Variants in MGAT4C observed in about 807,000 individuals in gnomAD.
MGAT4C encodes alpha-1,3-mannosyl-glycoprotein 4-beta-N-acetylglucosaminyltransferase C.
Under a neutral mutation model 40.1 loss-of-function variants are expected in MGAT4C, and 19 were observed. That is an observed-to-expected ratio of 0.47 (90% CI 0.33 to 0.70). The LOEUF (loss-of-function observed/expected upper bound fraction) is 0.70, where lower values mean the gene tolerates loss of function less well. Among genes scored for constraint, MGAT4C ranks in the 30% least tolerant of loss-of-function variants. The pLI is 0.02. For synonymous variants in MGAT4C, 181 were observed against 187.1 expected (o/e 0.97, Z 0.27); for missense variants, 491 against 563.2 (o/e 0.87, Z 1.30).
intron 1 of MGAT4C, 49 bp from the exon 2 acceptor site, chr12:86,049,772 G>C (rs1892727092): frequency 2.9e-6 from 2 of 695,520 alleles, no homozygotes; most frequent in Non-Finnish European, 1.8e-6. Context: ...CTGGTTTCTT[G>C]CTGATAAAAG....
At chr12:86,294,210 T>C (rs1341378255) in intron 4 of MGAT4C, among the ~76,000 whole-genome samples, 1 of 152,150 alleles carries the variant, frequency 6.6e-6, no homozygotes, top group Admixed American at 6.5e-5. Context: ...TCGTGGCTAG[T>C]GAAATCACTA....
intron 1 of MGAT4C, among the ~76,000 whole-genome samples, chr12:86,093,764 CAACAA>C (rs758453991): frequency 6.6e-6 from 1 of 151,274 alleles, no homozygotes; most frequent in Non-Finnish European, 1.5e-5. Flanking sequence ...ACAACAACAA[CAACAA>C]CAACACCTAC....
intron 1 of MGAT4C, among the ~76,000 whole-genome samples, chr12:86,774,959 G>A (rs1219405872): frequency 6.6e-6 from 1 of 152,132 alleles, no homozygotes; most frequent in Non-Finnish European, 1.5e-5. Flanking sequence ...ATTATCCGTA[G>A]GTCAAGTATT....
At chr12:86,249,278 T>C (rs1566220822) in intron 1 of MGAT4C, among the ~76,000 whole-genome samples, 2 of 152,174 alleles carry the variant, frequency 1.3e-5, no homozygotes, top group Admixed American at 1.3e-4. Flanking sequence ...CTCTCAATTA[T>C]GTCATGTGTG....
chr12:86,803,065 A>G (rs1419000793), intron 1 of MGAT4C, among the ~76,000 whole-genome samples: 3 of 140,062 alleles, frequency 2.1e-5, no homozygotes, highest in Non-Finnish European at 3.1e-5. Context: ...ACCAAAACAG[A>G]GATATAGATC....
At chr12:86,635,057 G>C (rs949624593) in intron 2 of MGAT4C, among the ~76,000 whole-genome samples, 1 of 152,046 alleles carries the variant, frequency 6.6e-6, no homozygotes. Flanking sequence ...AAATTTTCTA[G>C]TATCTTTGTG....
At chr12:86,749,972 C>T (rs889836371) in intron 1 of MGAT4C, among the ~76,000 whole-genome samples, 5 of 151,584 alleles carry the variant, frequency 3.3e-5, no homozygotes, top group African/African-American at 1.2e-4. Flanking sequence ...AAGAATATCT[C>T]GCATATGGTT....
intron 3 of MGAT4C, among the ~76,000 whole-genome samples, chr12:86,431,986 A>C (rs7309839): frequency 0.87 from 132,110 of 151,986 alleles, 57,512 homozygotes; most frequent in East Asian, 1. Context: ...GTATTAGGTC[A>C]ACTATTGTGT....
chr12:86,618,332 T>C (rs145287447), intron 2 of MGAT4C, among the ~76,000 whole-genome samples: 85 of 152,308 alleles, frequency 5.6e-4, no homozygotes, highest in African/African-American at 1.6e-3. Flanking sequence ...CTGGGTATTT[T>C]ATCCAAAGGA....
At chr12:86,825,444 A>G (rs1952787818) in intron 1 of MGAT4C, among the ~76,000 whole-genome samples, 1 of 151,368 alleles carries the variant, frequency 6.6e-6, no homozygotes, top group Non-Finnish European at 1.5e-5. Context: ...AGCAGAGTTT[A>G]CTGTATCAAT....
At chr12:86,698,050 C>A (rs984464470) in intron 2 of MGAT4C, among the ~76,000 whole-genome samples, 2 of 151,806 alleles carry the variant, frequency 1.3e-5, no homozygotes, top group Admixed American at 6.6e-5. Context: ...GGCAATAATG[C>A]GAAAAATATG....
At chr12:86,288,386 A>G (rs1953411080) in intron 4 of MGAT4C, among the ~76,000 whole-genome samples, 2 of 152,090 alleles carry the variant, frequency 1.3e-5, no homozygotes, top group South Asian at 2.1e-4. Flanking sequence ...TTTTGTTGCC[A>G]TTACTTTTGG....
intron 2 of MGAT4C, among the ~76,000 whole-genome samples, chr12:86,630,970 G>A (rs1036078547): frequency 2.0e-4 from 30 of 152,172 alleles, no homozygotes; most frequent in African/African-American, 7.0e-4. Flanking sequence ...AATTGTCCCT[G>A]TTTGCAGAAG....
intron 2 of MGAT4C, among the ~76,000 whole-genome samples, chr12:86,494,532 A>G (rs1189821080): frequency 6.6e-6 from 1 of 151,848 alleles, no homozygotes; most frequent in African/African-American, 2.4e-5. Flanking sequence ...TTAGACTATT[A>G]AAGAAATATA....
chr12:85,985,349 C>T (rs1885092335), intron 3 of MGAT4C, among the ~76,000 whole-genome samples: 3 of 152,110 alleles, frequency 2.0e-5, no homozygotes, highest in South Asian at 2.1e-4. Flanking sequence ...TATGGCCAGA[C>T]GTGACTATTC....
At chr12:86,245,080 TCC>T (rs1951966368) in intron 1 of MGAT4C, among the ~76,000 whole-genome samples, 7 of 152,138 alleles carry the variant, frequency 4.6e-5, no homozygotes, top group African/African-American at 1.7e-4. Flanking sequence ...GCCAACTGAC[TCC>T]TAAGCCCACA....
chr12:86,132,769 G>A (rs1374658944), intron 1 of MGAT4C, among the ~76,000 whole-genome samples: 1 of 144,244 alleles, frequency 6.9e-6, no homozygotes, highest in Non-Finnish European at 1.5e-5. Flanking sequence ...TCCAGCCTGG[G>A]CTACAGAGCG....
At chr12:86,257,744 T>C (rs1170240155), upstream of MGAT4C, among the ~76,000 whole-genome samples, 1 of 152,204 alleles carries the variant, frequency 6.6e-6, no homozygotes, top group South Asian at 2.1e-4. Context: ...AAGTTCTGAC[T>C]TTTATGATAG....
At chr12:86,227,522 C>T (rs1951138176) in intron 1 of MGAT4C, among the ~76,000 whole-genome samples, 1 of 151,782 alleles carries the variant, frequency 6.6e-6, no homozygotes, top group Non-Finnish European at 1.5e-5. Context: ...CAAAAGCCAC[C>T]CTGTTAGAGA....
Sources: allele counts gnomAD v4.1 joint callset (sites outside exome capture counted in the v4.1 genomes callset), GRCh38; gene constraint gnomAD v4.1.1; transcripts MANE v1.5; gene names NCBI Gene and HGNC (gene_info 2026-07-23, HGNC 2026-07-21).